Variants in METTL16 observed in about 807,000 individuals in gnomAD.
METTL16 encodes RNA N(6)-adenosine-methyltransferase METTL16.
METTL16 carries 19 observed loss-of-function variants against 57.9 expected under a neutral mutation model. The ratio of observed to expected loss-of-function variants is 0.33; its 90% CI spans 0.23 to 0.48. METTL16 has a LOEUF of 0.48. Ranked by LOEUF, METTL16 falls within the 20% of genes least tolerant of loss-of-function variation. The pLI is 0.99. For missense variants in METTL16, 434 were observed against 691.5 expected (o/e 0.63, Z 4.18); for synonymous variants, 246 against 255.6 (o/e 0.96, Z 0.36).
intron 4 of METTL16, among the ~76,000 whole-genome samples, chr17:2,472,281 C>A (rs187757690): frequency 6.6e-6 from 1 of 152,022 alleles, no homozygotes; most frequent in African/African-American, 2.4e-5. Context: ...TCCAGAACAC[C>A]GACAGCACCC....
intron 2 of METTL16, among the ~76,000 whole-genome samples, chr17:2,499,366 G>A (rs1434153440): frequency 1.2e-4 from 16 of 136,194 alleles, no homozygotes; most frequent in Non-Finnish European, 1.5e-5. Flanking sequence ...ACAGGATTTC[G>A]CTATGTTGCC....
intron 6 of METTL16, among the ~76,000 whole-genome samples, chr17:2,445,401 T>C (rs749557949): frequency 7.9e-5 from 12 of 152,246 alleles, no homozygotes; most frequent in Non-Finnish European, 1.5e-4. Context: ...TCCCCCCTCA[T>C]TAAGCAACAC....
At position 2,424,662 on chromosome 17, in the gene METTL16, A is replaced by C. The variant is rs554895085; in HGVS notation, c.889-3758T>G. The stretch of plus-strand genomic sequence containing the variant: ...CTATAGAAACTAGACATTAAGAGAC[A>C]GACAGGCCAGGCGCAGTGGCTCACG... On this transcript the variant is annotated intron_variant, in intron 8 of 9. Coordinates refer to ENST00000263092, the MANE Select transcript of METTL16 (RefSeq NM_024086.4). 6.6e-5 allele frequency among the ~76,000 whole-genome samples: 10 copies of C among 152,178 alleles called. No individual in the cohort carries two copies. The East Asian group carries it at 1.6e-3, about 24-fold the overall frequency.
intron 8 of METTL16, among the ~76,000 whole-genome samples, chr17:2,425,293 C>G (rs2066810219): frequency 6.6e-6 from 1 of 152,146 alleles, no homozygotes; most frequent in Non-Finnish European, 1.5e-5. Context: ...GTGCTACACT[C>G]AAACTGTCAT....
chr17:2,446,719 C>T (rs2066998878), intron 6 of METTL16, among the ~76,000 whole-genome samples: 1 of 152,210 alleles, frequency 6.6e-6, no homozygotes, highest in Admixed American at 6.5e-5. Context: ...GCCTGATTCT[C>T]CTGCCTCAGC....
intron 2 of METTL16, among the ~76,000 whole-genome samples, chr17:2,492,406 A>C (rs1049560262): frequency 6.6e-6 from 1 of 152,130 alleles, no homozygotes; most frequent in Non-Finnish European, 1.5e-5. Context: ...GAAAAATAAG[A>C]TATCAGAGTA....
At chr17:2,426,463 G>T (rs887805743) in intron 8 of METTL16, among the ~76,000 whole-genome samples, 1 of 152,082 alleles carries the variant, frequency 6.6e-6, no homozygotes, top group African/African-American at 2.4e-5. Context: ...GGGTGCCATG[G>T]CTCACGCCTG....
intron 6 of METTL16, among the ~76,000 whole-genome samples, chr17:2,452,717 ATT>A (rs1244929308): frequency 1.3e-5 from 2 of 152,136 alleles, no homozygotes; most frequent in East Asian, 3.8e-4. Flanking sequence ...AGATTCACCA[ATT>A]ACATCTTCCT....
chr17:2,456,406 A>C (rs1248417599), intron 6 of METTL16, among the ~76,000 whole-genome samples: 2 of 152,222 alleles, frequency 1.3e-5, no homozygotes. Flanking sequence ...TTAACAGTGA[A>C]AACAAGAAAA....
rs1034930330 is a variant in METTL16, at chr17:2,420,821, T to C, written c.972A>G (p.Leu324=). The C allele has an allele frequency of 6.2e-7, 1 of 1,614,230 alleles. No individual in the cohort carries two copies. Among genetic ancestry groups the C allele is most frequent in the African/African-American group, 1.3e-5 (1 of 75,068 alleles). The change falls in exon 9 of 10, where the codon TTA becomes TTG. Residue 324 remains leucine, a synonymous_variant. Coordinates refer to ENST00000263092, the MANE Select transcript of METTL16 (RefSeq NM_024086.4). The surrounding 1 kb of genome is among the most constrained non-coding windows in gnomAD (Gnocchi z 5.4). ...FVVLASVMKE[L]SLKASPLRSE... The stretch of plus-strand genomic sequence containing the variant: ...AGCGCAGAGGTGATGCTTTGAGGGA[T>C]AATTCCTTCATCACGGACGCCAGCA...
intron 6 of METTL16, among the ~76,000 whole-genome samples, chr17:2,448,170 G>A (rs1196818304): frequency 1.2e-4 from 17 of 147,074 alleles, no homozygotes; most frequent in Admixed American, 2.1e-4. Context: ...GAGGTGAGGG[G>A]CGCCTCTGCC....
rs536839221 is a variant in METTL16, at chr17:2,477,666, A to G, written c.328+20T>C. On this transcript the variant is annotated intron_variant, in intron 3 of 9. Transcript: ENST00000263092. ...ACTTATGAAAACTGTTTAGCCAAAA[A>G]AGAATTTAAAATGATATACCTATGT... 6.3e-7 allele frequency: 1 copy of G among 1,583,004 alleles called. No homozygotes were observed. Among genetic ancestry groups the G allele is most frequent in the South Asian group, 1.1e-5 (1 of 90,130 alleles).
Position 2,448,833 on chromosome 17 carries a change from C to T in METTL16, c.729-7274G>A, listed in dbSNP as rs1242999317. ...AAAAAAAAAAAAAAAAAAAGAGCAT[C>T]CTGGCCAACATGGTGAAACCCCATC... is the stretch of plus-strand genomic sequence containing the variant. On this transcript the variant is annotated intron_variant, in intron 6 of 9. Transcript: ENST00000263092. Among the ~76,000 whole-genome samples the T allele has an allele frequency of 1.3e-4, 12 of 94,066 alleles. No individual in the cohort carries two copies. The East Asian group carries it at 4.8e-3, about 37-fold the overall frequency. The allele number at this position is 94,066 out of a possible 152,430, so 61.7% of individuals were successfully genotyped here. A position where few individuals can be genotyped will look rare whatever the true frequency, so the allele number is the denominator to read the frequency against.
chr17:2,481,189 CAG>C (rs1410960868), intron 2 of METTL16, among the ~76,000 whole-genome samples: 7 of 144,022 alleles, frequency 4.9e-5, no homozygotes, highest in African/African-American at 1.8e-4. Flanking sequence ...GTACGGATGA[CAG>C]AGTGAGACCA....
Position 2,472,198 on chromosome 17 carries a change from C to T in METTL16, c.469+1326G>A, listed in dbSNP as rs143670554. Among the ~76,000 whole-genome samples, 1,045 of 151,874 alleles carry T rather than the reference C, an allele frequency of 6.9e-3. 6 individuals are homozygous for T. Among genetic ancestry groups the T allele is most frequent in the Non-Finnish European group, 0.01 (712 of 67,978 alleles). On this transcript the variant is annotated intron_variant, in intron 4 of 9. Coordinates refer to ENST00000263092, the MANE Select transcript of METTL16 (RefSeq NM_024086.4). Reference sequence around the variant, plus strand: ...TGGTAAATAAGCACATGAAAAGATGCTCCACATGAATATCAGCAAAATGCA... The same window carrying T: ...TGGTAAATAAGCACATGAAAAGATGTTCCACATGAATATCAGCAAAATGCA...
intron 6 of METTL16, among the ~76,000 whole-genome samples, chr17:2,461,576 C>CTTTT (rs568432589): frequency 8.1e-6 from 1 of 123,962 alleles, no homozygotes; most frequent in Non-Finnish European, 1.7e-5. Context: ...GTTCTCCTGT[C>CTTTT]TTTTTTTTTT....
intron 8 of METTL16, chr17:2,424,196 C>G (rs2066794302): frequency 1.3e-5 from 2 of 150,186 alleles, no homozygotes; most frequent in South Asian, 4.2e-4. Context: ...TCACTGCAAG[C>G]TCCGCCTCCC....
At chr17:2,467,914 T>C in intron 4 of METTL16, 38 bp from the exon 5 acceptor site, 1 of 1,410,100 alleles carries the variant, frequency 7.1e-7, no homozygotes, top group South Asian at 1.2e-5. Context: ...AATATTAATG[T>C]TGCAGTGGTT....
chr17:2,508,838 G>A (rs942058943), intron 1 of METTL16, among the ~76,000 whole-genome samples: 11 of 152,118 alleles, frequency 7.2e-5, no homozygotes, highest in African/African-American at 2.4e-4. Context: ...GGCCTTATCT[G>A]TCCCTCCAAC....
Sources: gnomAD v4.1 joint callset for allele counts (sites outside exome capture counted in the v4.1 genomes callset) on GRCh38, gnomAD v4.1.1 for gene constraint, Gnocchi (gnomAD v3.1) non-coding constraint, MANE v1.5 for transcripts, NCBI Gene and HGNC (gene_info 2026-07-23, HGNC 2026-07-21) for gene names.